Variants in GRID1 observed in about 807,000 individuals in gnomAD.
The protein encoded by GRID1 is glutamate receptor ionotropic, delta-1.
GRID1 carries 28 observed loss-of-function variants against 98.0 expected under a neutral mutation model. That is an observed-to-expected ratio of 0.29 (90% CI 0.21 to 0.39). The LOEUF (loss-of-function observed/expected upper bound fraction) is 0.39, where lower values mean the gene tolerates loss of function less well. Among genes scored for constraint, GRID1 ranks in the 10% least tolerant of loss-of-function variants. The probability of loss-of-function intolerance (pLI) is 1.00; values close to 1 mark genes in which losing one functional copy is unlikely to be tolerated. For missense variants in GRID1, 1,111 were observed against 1,340.5 expected, an observed-to-expected ratio of 0.83 and a Z score of 2.67; for synonymous variants, 553 against 538.5, an observed-to-expected ratio of 1.03 and a Z score of -0.37.
chr10:86,241,317 C>T (rs1362252341), intron 2 of GRID1, among the ~76,000 whole-genome samples: 1 of 152,260 alleles, frequency 6.6e-6, no homozygotes, highest in Non-Finnish European at 1.5e-5. Flanking sequence ...TCTGTCCTAG[C>T]CCTTCAGGGC....
intron 2 of GRID1, among the ~76,000 whole-genome samples, chr10:86,306,095 C>T (rs1481531696): frequency 6.6e-6 from 1 of 152,208 alleles, no homozygotes; most frequent in Non-Finnish European, 1.5e-5. Flanking sequence ...CCTGTGGATG[C>T]AGAGAGGAGG....
At position 85,940,909 on chromosome 10, in the gene GRID1, C is replaced by T. The variant is rs761697746; in HGVS notation, c.727-24670G>A. ...CAGGGGCTCAGGGTGCCAAAGCAGCCGCTCAAGCTCCAAGAGCTTCCTCAG... is the reference window on the plus strand; with the variant it reads ...CAGGGGCTCAGGGTGCCAAAGCAGCTGCTCAAGCTCCAAGAGCTTCCTCAG... On this transcript the variant is annotated intron_variant, in intron 4 of 15. Coordinates refer to ENST00000327946, the MANE Select transcript of GRID1 (RefSeq NM_017551.3). Among the ~76,000 whole-genome samples, 4 of 152,178 alleles carry T rather than the reference C, an allele frequency of 2.6e-5. No homozygotes were observed. In the South Asian group the frequency reaches 6.2e-4, roughly 24 times the overall value.
At chr10:86,351,463 G>GC (rs1339122068) in intron 2 of GRID1, among the ~76,000 whole-genome samples, 2 of 152,164 alleles carry the variant, frequency 1.3e-5, no homozygotes, top group Admixed American at 6.5e-5. Context: ...GGCAGCACAG[G>GC]CCCCCCTACA....
intron 3 of GRID1, among the ~76,000 whole-genome samples, chr10:86,193,116 C>T (rs978131096): frequency 6.6e-6 from 1 of 152,100 alleles, no homozygotes; most frequent in Non-Finnish European, 1.5e-5. Flanking sequence ...CCTCCACTCT[C>T]TCCTCATTCC....
chr10:86,325,958 C>T (rs11201980), intron 2 of GRID1, among the ~76,000 whole-genome samples: 24,541 of 152,162 alleles, frequency 0.16, 2,033 homozygotes, highest in South Asian at 0.23. Context: ...TAATTTGTAG[C>T]AAATATAGGT....
In GRID1 at chr10:85,615,922, C is replaced by T. The variant is rs540960304; in HGVS notation, c.2361-2275G>A. 2.0e-4 allele frequency among the ~76,000 whole-genome samples: 30 copies of T among 152,320 alleles called. No individual in the cohort carries two copies. The South Asian group carries it at 6.0e-3, about 31-fold the overall frequency. On this transcript the variant is annotated intron_variant, in intron 14 of 15. Coordinates refer to ENST00000327946, the MANE Select transcript of GRID1 (RefSeq NM_017551.3). ...TAGCTATGGATAGACAGTAGAGCTT[C>T]GTGTTCATGGATATCCATTCAAATC...
chr10:86,096,384 G>A (rs1844221892), intron 4 of GRID1, among the ~76,000 whole-genome samples: 1 of 152,176 alleles, frequency 6.6e-6, no homozygotes, highest in African/African-American at 2.4e-5. Flanking sequence ...CACAACCACA[G>A]ACTGTTCCAG....
intron 4 of GRID1, among the ~76,000 whole-genome samples, chr10:86,128,299 C>T (rs772351854): frequency 6.6e-6 from 1 of 152,088 alleles, no homozygotes; most frequent in African/African-American, 2.4e-5. Context: ...AGGAAACCCT[C>T]CATCTGCCCT....
intron 4 of GRID1, among the ~76,000 whole-genome samples, chr10:86,062,463 C>T (rs1298176170): frequency 6.6e-6 from 1 of 152,140 alleles, no homozygotes; most frequent in Non-Finnish European, 1.5e-5. Context: ...CCTTCCCTGT[C>T]CTGTTTTCCC....
chr10:85,675,871 T>A (rs1841139209), intron 12 of GRID1, among the ~76,000 whole-genome samples: 1 of 152,098 alleles, frequency 6.6e-6, no homozygotes, highest in African/African-American at 2.4e-5. Flanking sequence ...GTGTCCATGT[T>A]GCTTTGGGTG....
chr10:85,805,069 G>T (rs966013048), intron 8 of GRID1, among the ~76,000 whole-genome samples: 1 of 150,872 alleles, frequency 6.6e-6, no homozygotes, highest in African/African-American at 2.4e-5. Context: ...ATGCAAAGAA[G>T]ATAAGAAAAA....
chr10:85,889,840 C>T (rs1320450451), intron 5 of GRID1, among the ~76,000 whole-genome samples: 3 of 152,126 alleles, frequency 2.0e-5, no homozygotes, highest in Non-Finnish European at 4.4e-5. Context: ...CTCATCAATA[C>T]TTTTTATCTT....
intron 2 of GRID1, among the ~76,000 whole-genome samples, chr10:86,356,260 C>T (rs1848532448): frequency 6.6e-6 from 1 of 152,244 alleles, no homozygotes; most frequent in Non-Finnish European, 1.5e-5. Flanking sequence ...GCCACAGATT[C>T]TGCCCAACTA....
chr10:86,353,563 C>T (rs1848492941), intron 2 of GRID1, among the ~76,000 whole-genome samples: 1 of 152,100 alleles, frequency 6.6e-6, no homozygotes, highest in Non-Finnish European at 1.5e-5. Context: ...ATGGCTCAGC[C>T]CTCCAAAGCC....
chr10:86,009,836 A>G lies in GRID1; in HGVS notation c.727-93597T>C, dbSNP rs543178006. ...GACACCGGAATGGAGAAAAAGGAGA[A>G]CTAACCCAAAAAGATGGGTCATAGT... On this transcript the variant is annotated intron_variant, in intron 4 of 15. Transcript: ENST00000327946. 9.6e-4 allele frequency among the ~76,000 whole-genome samples: 146 copies of G among 152,354 alleles called. No individual in the cohort carries two copies. In the South Asian group the frequency reaches 0.013, roughly 13 times the overall value.
intron 4 of GRID1, among the ~76,000 whole-genome samples, chr10:85,947,132 C>T (rs983363614): frequency 3.3e-5 from 5 of 152,148 alleles, no homozygotes; most frequent in African/African-American, 7.2e-5. Context: ...CACAGCATGG[C>T]CGTGGCTGCA....
intron 2 of GRID1, among the ~76,000 whole-genome samples, chr10:86,272,379 G>A (rs749348289): frequency 5.3e-5 from 8 of 152,144 alleles, no homozygotes; most frequent in Non-Finnish European, 1.2e-4. Flanking sequence ...CTTTAGGAAG[G>A]TATTGTGGCA....
chr10:86,023,305 A>G (rs1237833404), intron 4 of GRID1, among the ~76,000 whole-genome samples: 1 of 152,202 alleles, frequency 6.6e-6, no homozygotes, highest in Non-Finnish European at 1.5e-5. Flanking sequence ...AATCCACACC[A>G]GCAACCAATA....
chr10:85,620,982 G>A (rs936657989), intron 13 of GRID1, among the ~76,000 whole-genome samples: 5 of 152,130 alleles, frequency 3.3e-5, no homozygotes, highest in African/African-American at 9.7e-5. Context: ...TGCCTGCAGC[G>A]ACAGCTAAAG....
Sources: gnomAD v4.1 joint callset for allele counts (sites outside exome capture counted in the v4.1 genomes callset) on GRCh38, gnomAD v4.1.1 for gene constraint, MANE v1.5 for transcripts, NCBI Gene and HGNC (gene_info 2026-07-23, HGNC 2026-07-21) for gene names.